Variants in CNTLN observed in about 807,000 individuals in gnomAD.
The protein encoded by CNTLN is centlein, centrosomal protein.
A neutral mutation model predicts 180.0 loss-of-function variants in CNTLN; 212 were observed. The observed-to-expected ratio is 1.18, with a 90% CI of 1.05 to 1.32. CNTLN has a LOEUF of 1.32. Ranked by LOEUF, CNTLN falls within the 40% of genes most tolerant of loss-of-function variation. The probability of loss-of-function intolerance (pLI) is 0.00; values close to 1 mark genes in which losing one functional copy is unlikely to be tolerated. For missense variants in CNTLN, 2,095 were observed against 1,610.9 expected (o/e 1.30, Z -5.14); for synonymous variants, 722 against 563.1 (o/e 1.28, Z -3.99).
At chr9:17,193,850 C>G (rs1821948418) in intron 2 of CNTLN, among the ~76,000 whole-genome samples, 1 of 152,242 alleles carries the variant, frequency 6.6e-6, no homozygotes, top group South Asian at 2.1e-4. Context: ...CTGCAACAAA[C>G]TTCTGCCTAG....
intron 20 of CNTLN, 85 bp from the exon 21 acceptor site, chr9:17,464,412 A>G (rs1331049798): frequency 9.8e-6 from 11 of 1,122,230 alleles, no homozygotes; most frequent in African/African-American, 1.7e-5. Flanking sequence ...AAGTAACAGT[A>G]GGTATAATAT....
At chr9:17,483,689 A>T (rs1832759894) in intron 23 of CNTLN, among the ~76,000 whole-genome samples, 1 of 152,192 alleles carries the variant, frequency 6.6e-6, no homozygotes, top group Non-Finnish European at 1.5e-5. Context: ...GAGGCAACTT[A>T]AAGGCTTGTG....
rs1817721981 is a variant in CNTLN at position 17,294,837 on chromosome 9, AGGGGGGAGGGCGGGGAGG to A, written c.984-3352_984-3335del. ...GGGCGAAGGGGGGAGGGCGGGGAGG[AGGGGGGAGGGCGGGGAGG>A]AGGGAGGAGGGCGGAGGGAGTGGGG... On this transcript the variant is annotated intron_variant, in intron 6 of 25. Transcript: ENST00000380647. Among the ~76,000 whole-genome samples the A allele has an allele frequency of 7.5e-4, 13 of 17,374 alleles. 1 individual carries two copies. Among genetic ancestry groups the A allele is most frequent in the African/African-American group, 4.2e-3 (12 of 2,832 alleles). The allele number at this position is 17,374 out of a possible 152,430, so 11.4% of individuals were successfully genotyped here. A position where few individuals can be genotyped will look rare whatever the true frequency, so the allele number is the denominator to read the frequency against.
At chr9:17,509,967 G>T in the CNTLN span, among the ~76,000 whole-genome samples, 1 of 152,138 alleles carries the variant, frequency 6.6e-6, no homozygotes, top group African/African-American at 2.4e-5. Context: ...ATTGCTGGCT[G>T]GGGTGAGTGA....
Position 17,484,466 on chromosome 9 carries a change from A to C in CNTLN, c.4027A>C (p.Thr1343Pro). 1 of 1,598,100 alleles carries C rather than the reference A, an allele frequency of 6.3e-7. No homozygotes were observed. The change falls in exon 24 of 26, where the codon ACA becomes CCA. Residue 1343 changes from threonine to proline, a missense_variant. Transcript: ENST00000380647. ...GTCAGATTTAGAGGAAATATTAGAC[A>C]CAGAAGATCAAGTGGTAAGATCATT... ...SRSDLEEILD[T>P]EDQVEIEKTK...
chr9:17,309,235 C>G lies in CNTLN; in HGVS notation c.1324C>G (p.Pro442Ala). The stretch of plus-strand genomic sequence containing the variant: ...TCTTCCTTTACCTCAAGAAAGTGAT[C>G]CAGACTACTCAGCACAGGTGAGAGA... Reference protein sequence around the residue: ...APLPLPQESDPDYSAQVPHRP... With the variant: ...APLPLPQESDADYSAQVPHRP... The change falls in exon 8 of 26, where the codon CCA becomes GCA. Residue 442 changes from proline to alanine, a missense_variant. Transcript: ENST00000380647. The G allele has an allele frequency of 6.3e-7, 1 of 1,593,372 alleles. No homozygotes were observed. Among genetic ancestry groups the G allele is most frequent in the South Asian group, 1.1e-5 (1 of 87,578 alleles).
chr9:17,383,446 G>A (rs1263803207), intron 13 of CNTLN, among the ~76,000 whole-genome samples: 1 of 151,798 alleles, frequency 6.6e-6, no homozygotes, highest in East Asian at 1.9e-4. Context: ...CTCTGGAGGC[G>A]GAGGTTACAG....
chr9:17,482,605 G>A (rs1416953840), intron 23 of CNTLN, among the ~76,000 whole-genome samples: 4 of 152,146 alleles, frequency 2.6e-5, no homozygotes, highest in Non-Finnish European at 5.9e-5. Flanking sequence ...AGCTGAATGT[G>A]AAATTCATAT....
At chr9:17,367,883 G>C (rs765727298) in intron 13 of CNTLN, among the ~76,000 whole-genome samples, 8 of 151,316 alleles carry the variant, frequency 5.3e-5, no homozygotes, top group Non-Finnish European at 8.8e-5. Flanking sequence ...CTGAGACTCT[G>C]AGATGTGCTG....
In CNTLN at chr9:17,394,884, C is replaced by T. The variant is rs756322435; in HGVS notation, c.2430C>T (p.Ala810=). 9.9e-6 allele frequency: 16 copies of T among 1,613,840 alleles called. No homozygotes were observed. The highest frequency in any genetic ancestry group is 1.1e-5 in the Non-Finnish European group (13 of 1,179,958). The change falls in exon 15 of 26, where the codon GCC becomes GCT. Residue 810 remains alanine, a synonymous_variant. Transcript: ENST00000380647. ...CAGACAGAGCTAAATCCGAGATGGC[C>T]ACCATGAAAGTGAGATCTGGACGAT... ...QSADRAKSEM[A]TMKVRSGRYD...
chr9:17,258,864 G>A (rs1015698346), intron 5 of CNTLN, among the ~76,000 whole-genome samples: 2 of 145,422 alleles, frequency 1.4e-5, no homozygotes, highest in African/African-American at 5.3e-5. Flanking sequence ...TCAGCTTAAG[G>A]AGATTTTGGG....
chr9:17,152,748 T>C (rs1818979166), intron 2 of CNTLN, among the ~76,000 whole-genome samples: 1 of 152,216 alleles, frequency 6.6e-6, no homozygotes, highest in Admixed American at 6.5e-5. Flanking sequence ...CTGTCTGATA[T>C]TGACAGTGGG....
intron 2 of CNTLN, among the ~76,000 whole-genome samples, chr9:17,200,351 A>G (rs1371366333): frequency 6.6e-6 from 1 of 152,140 alleles, no homozygotes; most frequent in Non-Finnish European, 1.5e-5. Context: ...AATTTAGGGT[A>G]GTTTTTCCTA....
intron 16 of CNTLN, among the ~76,000 whole-genome samples, chr9:17,411,132 C>T (rs1405257593): frequency 2.0e-5 from 3 of 152,128 alleles, no homozygotes; most frequent in African/African-American, 4.8e-5. Flanking sequence ...CTAGGTACCT[C>T]AGCACTCAAG....
chr9:17,328,394 A>G (rs185332176), intron 8 of CNTLN, among the ~76,000 whole-genome samples: 140 of 152,282 alleles, frequency 9.2e-4, no homozygotes, highest in African/African-American at 3.2e-3. Context: ...TTTCGTGAAA[A>G]ATCAGTAAAT....
intron 2 of CNTLN, among the ~76,000 whole-genome samples, chr9:17,179,929 T>G (rs920914548): frequency 6.6e-6 from 1 of 152,142 alleles, no homozygotes; most frequent in Non-Finnish European, 1.5e-5. Context: ...TGTCCCTTAC[T>G]TTCCCTAGTA....
intron 23 of CNTLN, among the ~76,000 whole-genome samples, chr9:17,480,831 C>T (rs1190335686): frequency 6.6e-6 from 1 of 152,136 alleles, no homozygotes; most frequent in Non-Finnish European, 1.5e-5. Flanking sequence ...AATATTAAAA[C>T]CTTTGTAATT....
the CNTLN span, among the ~76,000 whole-genome samples, chr9:17,511,993 G>A: frequency 6.6e-6 from 1 of 152,144 alleles, no homozygotes; most frequent in Non-Finnish European, 1.5e-5. Flanking sequence ...CTAGAGTGAG[G>A]TCTGTCACAT....
chr9:17,149,916 A>G (rs1818737571), intron 2 of CNTLN, among the ~76,000 whole-genome samples: 1 of 151,832 alleles, frequency 6.6e-6, no homozygotes, highest in Non-Finnish European at 1.5e-5. Context: ...GATGATGAGC[A>G]TTTTTTCATA....
Sources: gnomAD v4.1 joint callset for allele counts (sites outside exome capture counted in the v4.1 genomes callset) on GRCh38, gnomAD v4.1.1 for gene constraint, MANE v1.5 for transcripts, NCBI Gene and HGNC (gene_info 2026-07-23, HGNC 2026-07-21) for gene names.